The following RALA variants were observed in gnomAD, a reference collection of about 807,000 sequenced individuals.
The protein encoded by RALA is RAS like proto-oncogene A, also known as ras-related protein Ral-A.
A neutral mutation model predicts 24.0 loss-of-function variants in RALA; 5 were observed. That is an observed-to-expected ratio of 0.21 (90% CI 0.11 to 0.44). The LOEUF (loss-of-function observed/expected upper bound fraction) is 0.44. RALA is among the 20% of genes least tolerant of loss of function. The pLI, the probability that RALA is intolerant of heterozygous loss-of-function variation, is 0.99. For missense variants in RALA, 95 were observed against 241.2 expected, an observed-to-expected ratio of 0.39 and a Z score of 4.01; for synonymous variants, 77 against 83.8, an observed-to-expected ratio of 0.92 and a Z score of 0.44.
rs912382806 is a variant in RALA, at chr7:39,707,296, C to T, written c.*1051C>T. 1 of 152,146 alleles carries T rather than the reference C, an allele frequency of 6.6e-6. No individual in the cohort carries two copies. The highest frequency in any genetic ancestry group is 6.5e-5 in the Admixed American group (1 of 15,268). 9.4% of individuals were successfully genotyped at this position (152,146 alleles called of 1,614,324 possible). On this transcript the variant is annotated 3_prime_UTR_variant, in exon 5 of 5. Coordinates refer to ENST00000005257, the MANE Select transcript of RALA (RefSeq NM_005402.4). ...GTCAGTAGTGCTAATGCATTTTGCACTAGAACGCTTCGGGAAAATATTCAT... is the reference window on the plus strand; with the variant it reads ...GTCAGTAGTGCTAATGCATTTTGCATTAGAACGCTTCGGGAAAATATTCAT...
At chr7:39,671,066 T>G (rs1258494643) in intron 1 of RALA, among the ~76,000 whole-genome samples, 1 of 152,122 alleles carries the variant, frequency 6.6e-6, no homozygotes, top group African/African-American at 2.4e-5. Flanking sequence ...TTCATTTGAC[T>G]CTTTTTTTTT....
At chr7:39,645,986 T>C (rs1791917717) in intron 1 of RALA, among the ~76,000 whole-genome samples, 1 of 152,196 alleles carries the variant, frequency 6.6e-6, no homozygotes, top group African/African-American at 2.4e-5. Flanking sequence ...AGAAGCATTA[T>C]AAGATTTGCC....
At chr7:39,695,343 T>G (rs1486646428) in intron 3 of RALA, among the ~76,000 whole-genome samples, 3 of 152,160 alleles carry the variant, frequency 2.0e-5, no homozygotes, top group African/African-American at 7.2e-5. Flanking sequence ...TACAGTGTAA[T>G]TGCTATGTAA....
At position 39,690,498 on chromosome 7, in the gene RALA, A is replaced by C; in HGVS notation, c.231A>C (p.Ala77=). Residue 77 remains alanine (A), a synonymous_variant, in exon 3 of 5, where the codon GCA becomes GCC. Coordinates refer to ENST00000005257, the MANE Select transcript of RALA (RefSeq NM_005402.4). ...CAGCTGGGCAGGAGGACTACGCTGC[A>C]ATTAGAGACAACTACTTCCGAAGTG... ...LDTAGQEDYA[A]IRDNYFRSGE... 6.2e-7 allele frequency: 1 copy of C among 1,614,032 alleles called. No homozygotes were observed. The highest frequency in any genetic ancestry group is 8.5e-7 in the Non-Finnish European group (1 of 1,179,908).
At chr7:39,695,721 A>G (rs1248971937) in intron 3 of RALA, among the ~76,000 whole-genome samples, 1 of 152,070 alleles carries the variant, frequency 6.6e-6, no homozygotes, top group Non-Finnish European at 1.5e-5. Flanking sequence ...GGGTTTTAAA[A>G]GATATTTTTT....
intron 1 of RALA, among the ~76,000 whole-genome samples, chr7:39,624,824 T>C (rs778113254): frequency 2.6e-5 from 4 of 152,234 alleles, no homozygotes; most frequent in African/African-American, 4.8e-5. Context: ...AGAAAGTAAA[T>C]TGCAACTTTA....
intron 1 of RALA, among the ~76,000 whole-genome samples, chr7:39,668,307 A>T (rs946803902): frequency 6.6e-6 from 1 of 152,224 alleles, no homozygotes; most frequent in Non-Finnish European, 1.5e-5. Flanking sequence ...TAAACAGTCA[A>T]TTTATTAATT....
intron 1 of RALA, among the ~76,000 whole-genome samples, chr7:39,633,254 A>G: frequency 6.6e-6 from 1 of 152,212 alleles, no homozygotes; most frequent in East Asian, 1.9e-4. Context: ...ATAAAGACAT[A>G]CCCGAGAATG....
At chr7:39,660,886 A>G (rs1023264767) in intron 1 of RALA, among the ~76,000 whole-genome samples, 1 of 152,202 alleles carries the variant, frequency 6.6e-6, no homozygotes, top group African/African-American at 2.4e-5. Flanking sequence ...ATCAAAATAC[A>G]TGCATACTAT....
intron 1 of RALA, among the ~76,000 whole-genome samples, chr7:39,661,849 C>T (rs1792196848): frequency 6.6e-6 from 1 of 152,210 alleles, no homozygotes; most frequent in Non-Finnish European, 1.5e-5. Flanking sequence ...TTCAACCCCA[C>T]ATTTCCCTTC....
In RALA at chr7:39,690,442, G is replaced by A; in HGVS notation, c.175G>A (p.Gly59Arg). 6.2e-7 allele frequency: 1 copy of A among 1,614,094 alleles called. No individual in the cohort carries two copies. The highest frequency in any genetic ancestry group is 8.5e-7 in the Non-Finnish European group (1 of 1,179,962). Residue 59 changes from glycine to arginine, a missense_variant, in exon 3 of 5, where the codon GGG becomes AGG. Transcript: ENST00000005257. Reference protein sequence around the residue: ...DSYRKKVVLDGEEVQIDILDT... With the variant: ...DSYRKKVVLDREEVQIDILDT... Reference sequence around the variant, plus strand: ...CTATCGGAAGAAGGTAGTGCTAGATGGGGAGGAAGTCCAGATCGATATCTT... The same window carrying A: ...CTATCGGAAGAAGGTAGTGCTAGATAGGGAGGAAGTCCAGATCGATATCTT...
intron 4 of RALA, chr7:39,701,165 G>T (rs138783162): frequency 2.0e-5 from 3 of 152,364 alleles, no homozygotes; most frequent in African/African-American, 7.2e-5. Flanking sequence ...CAGCTTCTGG[G>T]TCTGGCCAAC....
intron 1 of RALA, among the ~76,000 whole-genome samples, chr7:39,684,721 A>AG (rs1453526944): frequency 2.6e-5 from 4 of 151,752 alleles, no homozygotes; most frequent in Non-Finnish European, 5.9e-5. Context: ...CTAAAAAAAA[A>AG]AAAAAAAGAA....
At chr7:39,643,720 G>A (rs911638362) in intron 1 of RALA, among the ~76,000 whole-genome samples, 11 of 152,140 alleles carry the variant, frequency 7.2e-5, no homozygotes, top group African/African-American at 2.7e-4. Context: ...GCCAGGTGTC[G>A]TGGCGCACGC....
chr7:39,692,723 C>T lies in RALA; in HGVS notation c.323+2133C>T, dbSNP rs77749140. On this transcript the variant is annotated intron_variant, in intron 3 of 4. Transcript: ENST00000005257. Reference sequence around the variant, plus strand: ...TGCTTTTTCAGTATTGGTTTCCCTGCAGCACCTGACTCAGAGTAGCTTAGT... The same window carrying T: ...TGCTTTTTCAGTATTGGTTTCCCTGTAGCACCTGACTCAGAGTAGCTTAGT... 2.0e-3 allele frequency among the ~76,000 whole-genome samples: 305 copies of T among 151,968 alleles called. 1 individual carries two copies. Among genetic ancestry groups the T allele is most frequent in the African/African-American group, 6.9e-3 (286 of 41,262 alleles).
intron 1 of RALA, among the ~76,000 whole-genome samples, chr7:39,626,018 G>A (rs539584156): frequency 6.6e-6 from 1 of 152,312 alleles, no homozygotes; most frequent in East Asian, 1.9e-4. Context: ...ATAAGAGGCT[G>A]TGAATGTTAA....
intron 4 of RALA, among the ~76,000 whole-genome samples, chr7:39,702,475 A>C (rs1028941144): frequency 1.3e-5 from 2 of 152,234 alleles, no homozygotes; most frequent in African/African-American, 4.8e-5. Context: ...ATGTCACTGC[A>C]TATAGATGTA....
intron 4 of RALA, among the ~76,000 whole-genome samples, chr7:39,699,157 G>T (rs892989496): frequency 2.2e-5 from 2 of 90,890 alleles, no homozygotes; most frequent in African/African-American, 8.2e-5. Context: ...TTTTTGAGAC[G>T]GAGTCTCGCT....
intron 1 of RALA, among the ~76,000 whole-genome samples, chr7:39,629,064 T>A (rs1348446104): frequency 6.6e-6 from 1 of 152,240 alleles, no homozygotes; most frequent in Admixed American, 6.5e-5. Context: ...CAAATGATGT[T>A]ACAGTGAAAA....
Sources: gnomAD v4.1 joint callset for allele counts (sites outside exome capture counted in the v4.1 genomes callset) on GRCh38, gnomAD v4.1.1 for gene constraint, MANE v1.5 for transcripts, NCBI Gene and HGNC (gene_info 2026-07-23, HGNC 2026-07-21) for gene names.